The following THSD7B variants were observed in gnomAD, a reference collection of about 807,000 sequenced individuals.
THSD7B encodes thrombospondin type-1 domain-containing protein 7B.
A neutral mutation model predicts 213.6 loss-of-function variants in THSD7B; 138 were observed. That is an observed-to-expected ratio of 0.65 (90% confidence interval 0.56 to 0.74). THSD7B has a LOEUF of 0.74. Ranked by LOEUF, THSD7B falls within the 30% of genes least tolerant of loss-of-function variation. The pLI, the probability that THSD7B is intolerant of heterozygous loss-of-function variation, is 0.00. For missense variants in THSD7B, 1,931 were observed against 1,991.5 expected (o/e 0.97, Z 0.58); for synonymous variants, 742 against 687.0 (o/e 1.08, Z -1.25).
intron 1 of THSD7B, among the ~76,000 whole-genome samples, chr2:136,881,395 A>G (rs1540422): frequency 0.86 from 130,789 of 152,106 alleles, 56,605 homozygotes; most frequent in Non-Finnish European, 0.91. Flanking sequence ...ACCGACACAG[A>G]GACTGTGGAG....
intron 1 of THSD7B, among the ~76,000 whole-genome samples, chr2:136,816,134 C>T (rs1682469915): frequency 6.6e-6 from 1 of 152,178 alleles, no homozygotes; most frequent in Admixed American, 6.5e-5. Context: ...ATCTGCACAC[C>T]TTGGCCTCCA....
At chr2:137,464,848 C>A (rs901991519) in intron 15 of THSD7B, among the ~76,000 whole-genome samples, 2 of 151,932 alleles carry the variant, frequency 1.3e-5, no homozygotes, top group African/African-American at 4.8e-5. Flanking sequence ...TAAAAATATG[C>A]TTTATGATAG....
At position 137,354,809 on chromosome 2, in the gene THSD7B, C is replaced by T. The variant is rs566023370; in HGVS notation, c.2501-50804C>T. 1.4e-4 allele frequency among the ~76,000 whole-genome samples: 21 copies of T among 150,932 alleles called. No homozygotes were observed. In the East Asian group the frequency reaches 3.7e-3, roughly 27 times the overall value. On this transcript the variant is annotated intron_variant, in intron 12 of 27. Transcript: ENST00000409968. ...TTCCATTGAAGTTTGGATTTCAGTTCCCTCTGGGTATCTGAGCAGCTGTTT... is the reference window on the plus strand; with the variant it reads ...TTCCATTGAAGTTTGGATTTCAGTTTCCTCTGGGTATCTGAGCAGCTGTTT...
intron 15 of THSD7B, among the ~76,000 whole-genome samples, chr2:137,520,434 C>T (rs1452283677): frequency 1.3e-5 from 2 of 152,142 alleles, no homozygotes; most frequent in Non-Finnish European, 2.9e-5. Flanking sequence ...ATTTAAAGCA[C>T]CTGCATTTAA....
At chr2:137,238,191 ACT>A (rs1681810929) in intron 9 of THSD7B, among the ~76,000 whole-genome samples, 2 of 152,054 alleles carry the variant, frequency 1.3e-5, no homozygotes, top group Admixed American at 6.5e-5. Flanking sequence ...GATATTAGCA[ACT>A]CTCTATAGAA....
intron 12 of THSD7B, among the ~76,000 whole-genome samples, chr2:137,328,659 TC>T (rs1036029404): frequency 3.3e-5 from 5 of 152,170 alleles, no homozygotes; most frequent in Admixed American, 6.5e-5. Context: ...TTTGGCTGTG[TC>T]CCCACCAAAA....
At chr2:136,878,315 C>T (rs531567273) in intron 1 of THSD7B, among the ~76,000 whole-genome samples, 1 of 152,190 alleles carries the variant, frequency 6.6e-6, no homozygotes, top group Non-Finnish European at 1.5e-5. Context: ...TCCAGGCTAT[C>T]ATTGATGGAC....
Position 137,094,938 on chromosome 2 carries a change from C to T in THSD7B, c.1016C>T (p.Thr339Ile). The part of the protein sequence containing the change: ...QSCIMPKDCE[T>I]SQWSSWSPCS... Reference sequence around the variant, plus strand: ...TGCATCATGCCCAAAGACTGTGAAACCTCCCAGTGGTCCTCCTGGAGCCCC... The same window carrying T: ...TGCATCATGCCCAAAGACTGTGAAATCTCCCAGTGGTCCTCCTGGAGCCCC... The change falls in exon 4 of 28, where the codon ACC becomes ATC. Residue 339 changes from threonine to isoleucine, a missense_variant. Physicochemically the swap from Thr to Ile is moderately conservative, Grantham distance 89. Coordinates refer to ENST00000409968, the MANE Select transcript of THSD7B (RefSeq NM_001316349.2). 1.2e-6 allele frequency: 2 copies of T among 1,613,800 alleles called. No homozygotes were observed. Among genetic ancestry groups the T allele is most frequent in the African/African-American group, 1.3e-5 (1 of 74,996 alleles).
chr2:136,860,016 A>ATTTTTTTT lies in THSD7B; in HGVS notation c.-35-22116_-35-22109dup, dbSNP rs3084113. Reference sequence around the variant, plus strand: ...AGTAGATTCGAGAAAACAATTCATGATTTTTTTTTTTTTTTTTTTGAGATG... The same window carrying ATTTTTTTT: ...AGTAGATTCGAGAAAACAATTCATGATTTTTTTTTTTTTTTTTTTTTTTTTTTGAGATG... On this transcript the variant is annotated intron_variant, in intron 1 of 27. Transcript: ENST00000409968. 9.1e-5 allele frequency among the ~76,000 whole-genome samples: 11 copies of ATTTTTTTT among 120,472 alleles called. 1 individual carries two copies. The highest frequency in any genetic ancestry group is 5.3e-4 in the East Asian group (2 of 3,758). 79.0% of individuals were successfully genotyped at this position (120,472 alleles called of 152,430 possible).
intron 7 of THSD7B, among the ~76,000 whole-genome samples, chr2:137,224,859 C>G (rs1681459907): frequency 6.6e-6 from 1 of 152,138 alleles, no homozygotes; most frequent in South Asian, 2.1e-4. Flanking sequence ...ACAAACAGCT[C>G]ACTTGCCACA....
At chr2:137,608,716 C>T (rs1682234065) in intron 17 of THSD7B, among the ~76,000 whole-genome samples, 1 of 152,138 alleles carries the variant, frequency 6.6e-6, no homozygotes, top group South Asian at 2.1e-4. Flanking sequence ...TCACTATTAT[C>T]CATTTATTTC....
At chr2:137,111,803 T>C (rs1228401544) in intron 4 of THSD7B, among the ~76,000 whole-genome samples, 1 of 152,200 alleles carries the variant, frequency 6.6e-6, no homozygotes, top group Non-Finnish European at 1.5e-5. Flanking sequence ...TGACATTTCT[T>C]TCATTCCATG....
At chr2:137,152,900 T>C (rs1399354120) in intron 5 of THSD7B, among the ~76,000 whole-genome samples, 1 of 152,194 alleles carries the variant, frequency 6.6e-6, no homozygotes, top group Admixed American at 6.5e-5. Flanking sequence ...TCTTGACCAC[T>C]TCCCTATCTC....
At chr2:136,823,138 A>T (rs1429600624) in intron 1 of THSD7B, among the ~76,000 whole-genome samples, 1 of 152,018 alleles carries the variant, frequency 6.6e-6, no homozygotes, top group Non-Finnish European at 1.5e-5. Context: ...CATATGGAGG[A>T]TGAGCATTAT....
chr2:136,872,812 T>TAAAAAAA (rs1683455354), intron 1 of THSD7B, among the ~76,000 whole-genome samples: 2 of 12,216 alleles, frequency 1.6e-4, no homozygotes, highest in African/African-American at 3.5e-4. Flanking sequence ...TTACTGAAAA[T>TAAAAAAA]ACAAAAAAAA....
At chr2:136,893,654 T>A (rs891119915) in intron 2 of THSD7B, among the ~76,000 whole-genome samples, 1 of 152,170 alleles carries the variant, frequency 6.6e-6, no homozygotes. Flanking sequence ...CCACAGTCAA[T>A]TTTTATTGGA....
chr2:136,990,835 G>A (rs1685766283), intron 2 of THSD7B: 1 of 1,286,570 alleles, frequency 7.8e-7, no homozygotes, highest in African/African-American at 1.5e-5. Flanking sequence ...TCTGAGTACT[G>A]AGCATTTTCA....
chr2:137,342,846 A>G (rs774094568), intron 12 of THSD7B, among the ~76,000 whole-genome samples: 3 of 151,746 alleles, frequency 2.0e-5, no homozygotes, highest in Non-Finnish European at 4.4e-5. Flanking sequence ...ATTGATTTGC[A>G]TACGGTAAAC....
intron 1 of THSD7B, among the ~76,000 whole-genome samples, chr2:136,869,242 C>T (rs962470367): frequency 3.3e-5 from 5 of 152,090 alleles, no homozygotes; most frequent in African/African-American, 9.7e-5. Flanking sequence ...CGTAGGGTTG[C>T]GTAACTTCTG....
Sources: allele counts gnomAD v4.1 joint callset (sites outside exome capture counted in the v4.1 genomes callset), GRCh38; gene constraint gnomAD v4.1.1; transcripts MANE v1.5; gene names NCBI Gene and HGNC (gene_info 2026-07-23, HGNC 2026-07-21).